Variants in STK33 observed in about 807,000 individuals in gnomAD.
STK33 encodes the protein serine/threonine kinase 33.
STK33 carries 52 observed loss-of-function variants against 58.0 expected under a neutral mutation model. The observed-to-expected ratio is 0.90, with a 90% CI of 0.72 to 1.13. STK33 has a LOEUF of 1.13. STK33 is among the 50% of genes most tolerant of loss of function. STK33 has a pLI of 0.00. For synonymous variants in STK33, 215 were observed against 200.1 expected (o/e 1.07, Z -0.63); for missense variants, 630 against 604.2 (o/e 1.04, Z -0.45).
chr11:8,412,799 GAAAC>G (rs138741022), intron 15 of STK33, among the ~76,000 whole-genome samples: 1,815 of 152,272 alleles, frequency 0.012, 36 homozygotes, highest in African/African-American at 0.041. Flanking sequence ...TGCAAATTCA[GAAAC>G]AAACAAGGAA....
At chr11:8,348,952 G>A in the STK33 span, among the ~76,000 whole-genome samples, 2 of 152,206 alleles carry the variant, frequency 1.3e-5, no homozygotes, top group Non-Finnish European at 1.5e-5. Context: ...TGTACCAGGT[G>A]TCTGACCTTG....
intron 15 of STK33, 107 bp from the exon 16 acceptor site, chr11:8,392,817 T>G: frequency 9.3e-7 from 1 of 1,071,000 alleles, no homozygotes; most frequent in Non-Finnish European, 1.4e-6. Flanking sequence ...TGGAGCCCTC[T>G]CTAGATATAG....
chr11:8,446,464 G>A (rs1945479145), intron 11 of STK33, among the ~76,000 whole-genome samples: 1 of 152,026 alleles, frequency 6.6e-6, no homozygotes, highest in Non-Finnish European at 1.5e-5. Context: ...TAATTGGGAT[G>A]TTAGGGTGTC....
intron 1 of STK33, among the ~76,000 whole-genome samples, chr11:8,496,409 T>C (rs1280957329): frequency 6.6e-6 from 1 of 152,216 alleles, no homozygotes; most frequent in East Asian, 1.9e-4. Flanking sequence ...GAATTTAGTT[T>C]ATTCTCCGTC....
intron 1 of STK33, among the ~76,000 whole-genome samples, chr11:8,561,038 C>T (rs1957080366): frequency 6.6e-6 from 1 of 152,110 alleles, no homozygotes; most frequent in African/African-American, 2.4e-5. Flanking sequence ...ATCCTTTATT[C>T]AACATTAATT....
At chr11:8,425,211 A>C (rs1942559952) in intron 14 of STK33, among the ~76,000 whole-genome samples, 2 of 152,132 alleles carry the variant, frequency 1.3e-5, no homozygotes, top group Admixed American at 6.5e-5. Context: ...TATGGCTAGC[A>C]GGTTTTCCCA....
the STK33 span, among the ~76,000 whole-genome samples, chr11:8,339,207 AT>A: frequency 6.6e-6 from 1 of 152,152 alleles, no homozygotes; most frequent in Non-Finnish European, 1.5e-5. Context: ...GCTCCGAGGG[AT>A]TTATTAATGC....
chr11:8,525,520 T>C (rs761243176), intron 1 of STK33, among the ~76,000 whole-genome samples: 2 of 152,164 alleles, frequency 1.3e-5, no homozygotes, highest in African/African-American at 4.8e-5. Flanking sequence ...CTTGAATAAA[T>C]GGTGGTGAGA....
intron 14 of STK33, among the ~76,000 whole-genome samples, chr11:8,428,199 A>G (rs1943001827): frequency 6.6e-6 from 1 of 152,222 alleles, no homozygotes; most frequent in African/African-American, 2.4e-5. Context: ...TAAGAAGTCA[A>G]TGCCTACAAC....
chr11:8,430,657 C>G (rs1335946912), intron 14 of STK33, among the ~76,000 whole-genome samples: 1 of 152,112 alleles, frequency 6.6e-6, no homozygotes, highest in Non-Finnish European at 1.5e-5. Context: ...CCTTGTTGAT[C>G]TATCATTCTC....
At chr11:8,403,597 C>T (rs1192885467) in intron 15 of STK33, among the ~76,000 whole-genome samples, 1 of 152,184 alleles carries the variant, frequency 6.6e-6, no homozygotes, top group Non-Finnish European at 1.5e-5. Context: ...CAAATTCTTA[C>T]CATTTGGGAC....
downstream of STK33, among the ~76,000 whole-genome samples, chr11:8,390,757 T>G (rs1049881064): frequency 6.6e-6 from 1 of 152,196 alleles, no homozygotes; most frequent in Non-Finnish European, 1.5e-5. Flanking sequence ...TGTTATAAAA[T>G]GACTTCATCT....
the STK33 span, among the ~76,000 whole-genome samples, chr11:8,342,562 C>A: frequency 6.6e-6 from 1 of 152,220 alleles, no homozygotes; most frequent in African/African-American, 2.4e-5. Flanking sequence ...CAAGATTTTT[C>A]TTTATTTTCA....
intron 11 of STK33, among the ~76,000 whole-genome samples, chr11:8,445,468 G>A (rs1945314123): frequency 1.3e-5 from 2 of 152,216 alleles, no homozygotes; most frequent in African/African-American, 2.4e-5. Flanking sequence ...AGTTTTCAAA[G>A]GGAATGCTTC....
At chr11:8,519,145 C>A (rs1349778495) in intron 1 of STK33, among the ~76,000 whole-genome samples, 1 of 152,218 alleles carries the variant, frequency 6.6e-6, no homozygotes, top group Non-Finnish European at 1.5e-5. Flanking sequence ...AACTGTCTCT[C>A]AGACCACAGT....
At chr11:8,560,429 T>G (rs1041636993) in intron 1 of STK33, among the ~76,000 whole-genome samples, 6 of 152,008 alleles carry the variant, frequency 3.9e-5, no homozygotes, top group Non-Finnish European at 7.4e-5. Flanking sequence ...TCTTGTTGAC[T>G]TATCAGTGAT....
chr11:8,460,366 C>G (rs1338127018), intron 8 of STK33, among the ~76,000 whole-genome samples: 1 of 151,802 alleles, frequency 6.6e-6, no homozygotes, highest in Non-Finnish European at 1.5e-5. Context: ...TAAGTAGACA[C>G]ATGGAATATA....
chr11:8,409,799 A>G (rs1486516460), intron 15 of STK33, among the ~76,000 whole-genome samples: 2 of 152,204 alleles, frequency 1.3e-5, no homozygotes, highest in African/African-American at 2.4e-5. Context: ...GCTAACATTA[A>G]TAAGTACTTA....
chr11:8,486,227 G>A (rs1289451712), intron 1 of STK33, among the ~76,000 whole-genome samples: 1 of 152,160 alleles, frequency 6.6e-6, no homozygotes, highest in East Asian at 1.9e-4. Flanking sequence ...GCTCCCAAAA[G>A]CACTGAGATT....
Sources: gnomAD v4.1 joint callset for allele counts (sites outside exome capture counted in the v4.1 genomes callset) on GRCh38, gnomAD v4.1.1 for gene constraint, MANE v1.5 for transcripts, NCBI Gene and HGNC (gene_info 2026-07-23, HGNC 2026-07-21) for gene names.